The following THSD7A variants were observed in gnomAD, a reference collection of about 807,000 sequenced individuals.
The protein encoded by THSD7A is thrombospondin type-1 domain-containing protein 7A.
A neutral mutation model predicts 231.3 loss-of-function variants in THSD7A; 96 were observed. The observed-to-expected ratio is 0.41, with a 90% CI of 0.35 to 0.49. The LOEUF (loss-of-function observed/expected upper bound fraction) is 0.49. Ranked by LOEUF, THSD7A falls within the 20% of genes least tolerant of loss-of-function variation. The pLI, the probability that THSD7A is intolerant of heterozygous loss-of-function variation, is 0.05. For missense variants in THSD7A, 2,290 were observed against 2,070.2 expected (o/e 1.11, Z -2.06); for synonymous variants, 940 against 743.3 (o/e 1.26, Z -4.30).
chr7:11,818,594 A>T (rs1391373266), intron 1 of THSD7A, among the ~76,000 whole-genome samples: 3 of 152,174 alleles, frequency 2.0e-5, no homozygotes, highest in Non-Finnish European at 4.4e-5. Context: ...AAAATGTTGC[A>T]TCTCCCACTT....
chr7:11,601,231 TG>T (rs1780540197), intron 2 of THSD7A, among the ~76,000 whole-genome samples: 1 of 152,214 alleles, frequency 6.6e-6, no homozygotes, highest in South Asian at 2.1e-4. Context: ...AAGCTCATAT[TG>T]TATGTGCAGA....
intron 1 of THSD7A, among the ~76,000 whole-genome samples, chr7:11,642,337 T>G (rs1358170): frequency 0.32 from 48,674 of 151,990 alleles, 8,592 homozygotes; most frequent in Non-Finnish European, 0.41. Context: ...TTTTGTTCAT[T>G]ATTATTTAGA....
intron 1 of THSD7A, among the ~76,000 whole-genome samples, chr7:11,743,621 T>G (rs1023913261): frequency 6.6e-6 from 1 of 151,872 alleles, no homozygotes; most frequent in Non-Finnish European, 1.5e-5. Flanking sequence ...TAGAGGCAAA[T>G]TATCACCAGG....
chr7:11,482,795 T>C (rs17164653), intron 6 of THSD7A, among the ~76,000 whole-genome samples: 41,692 of 152,036 alleles, frequency 0.27, 6,067 homozygotes, highest in African/African-American at 0.36. Context: ...CTCTAGAGAT[T>C]GGCCCAAAAA....
intron 2 of THSD7A, among the ~76,000 whole-genome samples, chr7:11,614,349 G>A (rs997493267): frequency 2.6e-5 from 4 of 152,154 alleles, no homozygotes; most frequent in Non-Finnish European, 2.9e-5. Context: ...GTGGTTCTTT[G>A]TGCCTCTACA....
chr7:11,820,806 T>G, intron 1 of THSD7A: 1 of 1,085,214 alleles, frequency 9.2e-7, no homozygotes, highest in East Asian at 2.4e-5. Flanking sequence ...GACGTGCCTC[T>G]CGCTCTCCGG....
chr7:11,421,790 T>C (rs1027968705), intron 16 of THSD7A, among the ~76,000 whole-genome samples: 2 of 152,240 alleles, frequency 1.3e-5, no homozygotes, highest in Non-Finnish European at 2.9e-5. Context: ...TTTTCTAAGA[T>C]ATATTTTAAT....
chr7:11,736,785 C>T (rs1203782191), intron 1 of THSD7A, among the ~76,000 whole-genome samples: 1 of 151,926 alleles, frequency 6.6e-6, no homozygotes, highest in African/African-American at 2.4e-5. Context: ...TTTGAAAGTA[C>T]TTGATATGGT....
chr7:11,394,885 G>C (rs997300779), intron 23 of THSD7A, among the ~76,000 whole-genome samples: 1 of 151,758 alleles, frequency 6.6e-6, no homozygotes, highest in Admixed American at 6.6e-5. Flanking sequence ...AAAGACTATC[G>C]ACACTATGAA....
chr7:11,724,003 G>A (rs867052141), intron 1 of THSD7A, among the ~76,000 whole-genome samples: 9 of 151,856 alleles, frequency 5.9e-5, no homozygotes, highest in African/African-American at 1.2e-4. Flanking sequence ...AAGGAAGTCC[G>A]TTAAAAGGCA....
At chr7:11,455,629 TAATAG>T (rs1785284032) in intron 11 of THSD7A, among the ~76,000 whole-genome samples, 1 of 152,024 alleles carries the variant, frequency 6.6e-6, no homozygotes, top group Non-Finnish European at 1.5e-5. Flanking sequence ...TGTTCTAATA[TAATAG>T]ATCAGAAAAA....
At chr7:11,829,052 C>A (rs1785110032) in intron 1 of THSD7A, among the ~76,000 whole-genome samples, 1 of 151,918 alleles carries the variant, frequency 6.6e-6, no homozygotes, top group Non-Finnish European at 1.5e-5. Context: ...ATTTCCTTGT[C>A]TCTAGCTTAC....
rs546363625 is a variant in THSD7A at position 11,408,215 on chromosome 7, T to C, written c.3799-792A>G. Among the ~76,000 whole-genome samples the C allele has an allele frequency of 9.9e-5, 15 of 152,200 alleles. No homozygotes were observed. The South Asian group carries it at 2.9e-3, about 29-fold the overall frequency. Reference sequence around the variant, plus strand: ...TCTATGGTACAAAGTAGTATTGAAATAGGAAAATGTTGGCCGGGTGCGGTG... The same window carrying C: ...TCTATGGTACAAAGTAGTATTGAAACAGGAAAATGTTGGCCGGGTGCGGTG... On this transcript the variant is annotated intron_variant, in intron 19 of 27. Transcript: ENST00000423059.
At chr7:11,529,045 C>T (rs189966744) in intron 6 of THSD7A, among the ~76,000 whole-genome samples, 21 of 152,134 alleles carry the variant, frequency 1.4e-4, no homozygotes, top group Middle Eastern at 3.4e-3. Context: ...CAGAAAAGTA[C>T]GATTCTAGTG....
At chr7:11,754,000 C>A (rs1782593925) in intron 1 of THSD7A, among the ~76,000 whole-genome samples, 2 of 151,916 alleles carry the variant, frequency 1.3e-5, no homozygotes, top group Admixed American at 1.3e-4. Flanking sequence ...CCAGAACGGC[C>A]ACTTTATATT....
intron 1 of THSD7A, among the ~76,000 whole-genome samples, chr7:11,822,818 G>A (rs1245060829): frequency 6.6e-6 from 1 of 151,814 alleles, no homozygotes; most frequent in Non-Finnish European, 1.5e-5. Context: ...CTCATAAACA[G>A]TATATTACAA....
chr7:11,654,428 G>T (rs1453587912), intron 1 of THSD7A, among the ~76,000 whole-genome samples: 1 of 151,904 alleles, frequency 6.6e-6, no homozygotes, highest in Admixed American at 6.6e-5. Context: ...AATTGTGTTA[G>T]TTGTTCTTTA....
intron 23 of THSD7A, 85 bp from the exon 24 acceptor site, chr7:11,382,701 TG>T: frequency 2.0e-6 from 2 of 1,012,984 alleles, no homozygotes; most frequent in Non-Finnish European, 3.0e-6. Context: ...AACATATTAC[TG>T]AAAAGTAATA....
intron 4 of THSD7A, among the ~76,000 whole-genome samples, chr7:11,585,421 A>G (rs1791358900): frequency 6.6e-6 from 1 of 152,118 alleles, no homozygotes; most frequent in Non-Finnish European, 1.5e-5. Flanking sequence ...GTCCTCATTT[A>G]ACGTCACCAA....
Sources: gnomAD v4.1 joint callset for allele counts (sites outside exome capture counted in the v4.1 genomes callset) on GRCh38, gnomAD v4.1.1 for gene constraint, MANE v1.5 for transcripts, NCBI Gene and HGNC (gene_info 2026-07-23, HGNC 2026-07-21) for gene names.